COL21A1: variants seen among roughly 807,000 people sequenced by gnomAD.
COL21A1 encodes collagen alpha-1(XXI) chain.
Under a neutral mutation model 137.9 loss-of-function variants are expected in COL21A1, and 149 were observed. The observed-to-expected ratio is 1.08, with a 90% confidence interval of 0.95 to 1.24. The LOEUF (loss-of-function observed/expected upper bound fraction) is 1.24, where lower values mean the gene tolerates loss of function less well. Among genes scored for constraint, COL21A1 ranks in the 50% most tolerant of loss-of-function variants. COL21A1 has a pLI of 0.00. For synonymous variants in COL21A1, 456 were observed against 391.5 expected, an observed-to-expected ratio of 1.16 and a Z score of -1.95; for missense variants, 1,167 against 1,158.4, an observed-to-expected ratio of 1.01 and a Z score of -0.11.
chr6:56,385,142 A>G (rs547561706), intron 1 of COL21A1, among the ~76,000 whole-genome samples: 1 of 152,358 alleles, frequency 6.6e-6, no homozygotes, highest in Non-Finnish European at 1.5e-5. Context: ...AGTAGGGATC[A>G]AATCTGAGTG....
At chr6:56,097,320 T>A (rs1769419844) in intron 17 of COL21A1, among the ~76,000 whole-genome samples, 1 of 152,130 alleles carries the variant, frequency 6.6e-6, no homozygotes, top group African/African-American at 2.4e-5. Context: ...AAAATTCATC[T>A]CAATAACGTC....
intron 1 of COL21A1, among the ~76,000 whole-genome samples, chr6:56,301,914 C>A (rs1764304570): frequency 6.6e-6 from 1 of 151,690 alleles, no homozygotes; most frequent in African/African-American, 2.4e-5. Context: ...GTGTCCCATG[C>A]TCCCCTTCCT....
chr6:56,193,254 T>A (rs778589254), intron 1 of COL21A1, among the ~76,000 whole-genome samples: 1 of 152,066 alleles, frequency 6.6e-6, no homozygotes, highest in Non-Finnish European at 1.5e-5. Context: ...GGCATTTGTA[T>A]ACCTATGTAA....
chr6:56,360,317 T>C (rs59729561), intron 1 of COL21A1, among the ~76,000 whole-genome samples: 19,782 of 152,162 alleles, frequency 0.13, 1,724 homozygotes, highest in African/African-American at 0.25. Context: ...GAATTCAAAA[T>C]TGCAAAGTCA....
chr6:56,360,626 C>T (rs1765943910), intron 1 of COL21A1, among the ~76,000 whole-genome samples: 1 of 152,130 alleles, frequency 6.6e-6, no homozygotes, highest in Non-Finnish European at 1.5e-5. Context: ...AGGTTGACAA[C>T]ACCAAATACA....
chr6:56,173,857 T>C (rs1211453912), intron 3 of COL21A1, among the ~76,000 whole-genome samples: 1 of 152,126 alleles, frequency 6.6e-6, no homozygotes, highest in Non-Finnish European at 1.5e-5. Context: ...AGCAGATGCA[T>C]ACAGAATATT....
chr6:56,342,924 T>C (rs998195045), intron 1 of COL21A1, among the ~76,000 whole-genome samples: 1 of 152,232 alleles, frequency 6.6e-6, no homozygotes, highest in African/African-American at 2.4e-5. Context: ...CCAGTCACTT[T>C]CTCAGTAGGT....
chr6:56,116,107 T>G (rs1050981214), intron 16 of COL21A1, among the ~76,000 whole-genome samples: 4 of 151,920 alleles, frequency 2.6e-5, no homozygotes, highest in Non-Finnish European at 5.9e-5. Context: ...GAAACTTTAT[T>G]CAAAGGGTTA....
intron 13 of COL21A1, 21 bp from the exon 14 acceptor site, chr6:56,125,641 A>G: frequency 6.9e-7 from 1 of 1,458,368 alleles, no homozygotes; most frequent in East Asian, 2.4e-5. Flanking sequence ...AAATATAAAT[A>G]GTGAATATTT....
intron 10 of COL21A1, among the ~76,000 whole-genome samples, chr6:56,148,914 G>A (rs1158218193): frequency 6.6e-6 from 1 of 152,096 alleles, no homozygotes; most frequent in African/African-American, 2.4e-5. Context: ...CAGTTCCTTC[G>A]TGTGCCTCAA....
At chr6:56,354,074 C>T (rs1765777803) in intron 1 of COL21A1, among the ~76,000 whole-genome samples, 1 of 152,126 alleles carries the variant, frequency 6.6e-6, no homozygotes, top group Non-Finnish European at 1.5e-5. Flanking sequence ...TTGCTACACT[C>T]AAGAACATGG....
At chr6:56,169,362 A>G (rs1307802846) in intron 5 of COL21A1, among the ~76,000 whole-genome samples, 1 of 151,978 alleles carries the variant, frequency 6.6e-6, no homozygotes, top group Non-Finnish European at 1.5e-5. Flanking sequence ...GATAAAGTTG[A>G]AAGTATTATT....
chr6:56,337,960 T>C (rs1765370707), intron 1 of COL21A1, among the ~76,000 whole-genome samples: 1 of 80,550 alleles, frequency 1.2e-5, no homozygotes, highest in African/African-American at 3.7e-5. Context: ...TCTTTTCTTT[T>C]CTTTTTTTTT....
At chr6:56,382,330 T>C (rs2094009997) in intron 1 of COL21A1, among the ~76,000 whole-genome samples, 1 of 152,208 alleles carries the variant, frequency 6.6e-6, no homozygotes, top group Admixed American at 6.5e-5. Context: ...CATAATTCCA[T>C]TAGAAAAATG....
chr6:56,330,681 C>T (rs893999993), intron 1 of COL21A1, among the ~76,000 whole-genome samples: 1 of 151,974 alleles, frequency 6.6e-6, no homozygotes, highest in Non-Finnish European at 1.5e-5. Flanking sequence ...TTTGGAGTCT[C>T]CTGTATTATC....
At chr6:56,364,222 C>T (rs747290265) in intron 1 of COL21A1, among the ~76,000 whole-genome samples, 3 of 152,020 alleles carry the variant, frequency 2.0e-5, no homozygotes, top group Admixed American at 6.6e-5. Context: ...AGGGAACCAT[C>T]GAGACAGTAC....
chr6:56,100,080 T>C (rs1251353982), intron 17 of COL21A1, among the ~76,000 whole-genome samples: 2 of 152,238 alleles, frequency 1.3e-5, no homozygotes, highest in African/African-American at 2.4e-5. Context: ...CTCCATTTTA[T>C]GGCCCTAGCC....
At chr6:56,097,763 A>G (rs1038932456) in intron 17 of COL21A1, among the ~76,000 whole-genome samples, 1 of 123,730 alleles carries the variant, frequency 8.1e-6, no homozygotes, top group Non-Finnish European at 1.6e-5. Flanking sequence ...TTATATATAT[A>G]TAAATATATA....
At chr6:56,258,402 C>T (rs1188609394) in intron 1 of COL21A1, among the ~76,000 whole-genome samples, 2 of 152,128 alleles carry the variant, frequency 1.3e-5, no homozygotes, top group East Asian at 3.9e-4. Context: ...CACTATAACA[C>T]CTCCAACTAC....
Sources: allele counts gnomAD v4.1 joint callset (sites outside exome capture counted in the v4.1 genomes callset), GRCh38; gene constraint gnomAD v4.1.1; transcripts MANE v1.5; gene names NCBI Gene and HGNC (gene_info 2026-07-23, HGNC 2026-07-21).